The following SLC4A10 variants were observed in gnomAD, a reference collection of about 807,000 sequenced individuals.
SLC4A10 encodes sodium-driven chloride bicarbonate exchanger.
In SLC4A10, 42 loss-of-function variants were observed where a neutral mutation model predicts 137.7. The observed-to-expected ratio is 0.30, with a 90% CI of 0.24 to 0.39. SLC4A10 has a LOEUF of 0.39. Among genes scored for constraint, SLC4A10 ranks in the 10% least tolerant of loss-of-function variants. SLC4A10 has a pLI of 1.00. For missense variants in SLC4A10, 925 were observed against 1,355.0 expected (o/e 0.68, Z 4.98); for synonymous variants, 474 against 464.1 (o/e 1.02, Z -0.27).
At chr2:161,812,803 G>C (rs1414295790) in intron 3 of SLC4A10, among the ~76,000 whole-genome samples, 1 of 151,946 alleles carries the variant, frequency 6.6e-6, no homozygotes, top group East Asian at 1.9e-4. Flanking sequence ...CTTTGCTATG[G>C]TGAATAGCAC....
chr2:161,903,384 G>A (rs1014985437), intron 12 of SLC4A10, among the ~76,000 whole-genome samples: 7 of 152,156 alleles, frequency 4.6e-5, no homozygotes, highest in Admixed American at 2.6e-4. Context: ...AATGAAAACA[G>A]CTCTGAAACC....
chr2:161,867,617 T>A (rs1216353635), intron 6 of SLC4A10, among the ~76,000 whole-genome samples: 1 of 152,034 alleles, frequency 6.6e-6, no homozygotes, highest in Non-Finnish European at 1.5e-5. Flanking sequence ...AATTCTAGTA[T>A]GAAGTGTTTG....
intron 3 of SLC4A10, among the ~76,000 whole-genome samples, chr2:161,829,896 T>TA (rs1379318112): frequency 6.6e-6 from 1 of 152,002 alleles, no homozygotes; most frequent in Non-Finnish European, 1.5e-5. Flanking sequence ...TTTCCCCTTA[T>TA]AAAACCATCA....
Position 161,830,098 on chromosome 2 carries a change from A to G in SLC4A10, c.278-9691A>G, listed in dbSNP as rs185096793. 2.6e-3 allele frequency among the ~76,000 whole-genome samples: 392 copies of G among 152,018 alleles called. 2 individuals carry two copies. The highest frequency in any genetic ancestry group is 3.5e-3 in the Non-Finnish European group (237 of 67,980). On this transcript the variant is annotated intron_variant, in intron 3 of 26. Coordinates refer to ENST00000446997, the MANE Select transcript of SLC4A10 (RefSeq NM_001178015.2). ...ATAGAATATACATTTAAAAATTGAC[A>G]TAAGTGTGCTAAGTGCTCTGCACAT...
intron 2 of SLC4A10, among the ~76,000 whole-genome samples, chr2:161,781,109 A>T (rs1464261955): frequency 6.6e-6 from 1 of 152,058 alleles, no homozygotes; most frequent in Non-Finnish European, 1.5e-5. Context: ...TATTAAGAGT[A>T]AAAATAGTAT....
intron 17 of SLC4A10, 76 bp downstream of exon 17, chr2:161,947,803 G>T: frequency 6.7e-7 from 1 of 1,488,474 alleles, no homozygotes; most frequent in Non-Finnish European, 9.0e-7. Context: ...AATAAAAGGA[G>T]CCACTGAAAG....
At chr2:161,964,480 T>A (rs1257723631) in intron 22 of SLC4A10, among the ~76,000 whole-genome samples, 172 bp downstream of exon 22, 1 of 152,190 alleles carries the variant, frequency 6.6e-6, no homozygotes, top group Non-Finnish European at 1.5e-5. Context: ...TGCCTATGAA[T>A]TTCAGTGATT....
At chr2:161,631,906 A>C (rs917922781) in intron 1 of SLC4A10, among the ~76,000 whole-genome samples, 1 of 151,726 alleles carries the variant, frequency 6.6e-6, no homozygotes. Flanking sequence ...CTCTTGATAT[A>C]GTTTTGAATT....
chr2:161,633,857 G>A (rs931369074), intron 1 of SLC4A10, among the ~76,000 whole-genome samples: 9 of 151,584 alleles, frequency 5.9e-5, no homozygotes, highest in African/African-American at 1.9e-4. Flanking sequence ...TCATTTGGAA[G>A]GCATCAAAAG....
At chr2:161,654,493 T>G (rs2037240319) in intron 1 of SLC4A10, among the ~76,000 whole-genome samples, 1 of 152,166 alleles carries the variant, frequency 6.6e-6, no homozygotes, top group South Asian at 2.1e-4. Context: ...TCTATGTTGT[T>G]TTTCTAGGAG....
At chr2:161,658,781 G>C (rs1344857115) in intron 1 of SLC4A10, among the ~76,000 whole-genome samples, 1 of 151,954 alleles carries the variant, frequency 6.6e-6, no homozygotes, top group Non-Finnish European at 1.5e-5. Flanking sequence ...GGTAGAGATG[G>C]GGTTTCACCT....
intron 2 of SLC4A10, among the ~76,000 whole-genome samples, chr2:161,781,598 A>G (rs1192474142): frequency 6.6e-6 from 1 of 152,074 alleles, no homozygotes; most frequent in Non-Finnish European, 1.5e-5. Flanking sequence ...AAACTTGTTT[A>G]GTGCTGCTAG....
At chr2:161,846,734 A>C (rs1233365699) in intron 4 of SLC4A10, among the ~76,000 whole-genome samples, 1 of 152,248 alleles carries the variant, frequency 6.6e-6, no homozygotes, top group African/African-American at 2.4e-5. Flanking sequence ...AAAAGGTTGC[A>C]AACTATATGA....
At chr2:161,920,683 G>A (rs935331490) in intron 15 of SLC4A10, among the ~76,000 whole-genome samples, 4 of 152,176 alleles carry the variant, frequency 2.6e-5, no homozygotes, top group Non-Finnish European at 5.9e-5. Flanking sequence ...GGGGGAGGTG[G>A]TGCTCTTCAA....
intron 21 of SLC4A10, among the ~76,000 whole-genome samples, chr2:161,960,957 G>A (rs538486423): frequency 9.7e-4 from 148 of 152,064 alleles, no homozygotes; most frequent in Non-Finnish European, 1.8e-3. Context: ...GACAGTCCTA[G>A]CAAACTAATA....
chr2:161,971,271 G>C (rs1190285382), intron 23 of SLC4A10, among the ~76,000 whole-genome samples: 1 of 152,150 alleles, frequency 6.6e-6, no homozygotes, highest in Non-Finnish European at 1.5e-5. Context: ...TTCTTGTCCT[G>C]TACTGGACAT....
intron 3 of SLC4A10, among the ~76,000 whole-genome samples, chr2:161,833,570 ATGT>A (rs951042656): frequency 4.6e-5 from 7 of 152,214 alleles, no homozygotes; most frequent in African/African-American, 1.7e-4. Context: ...AACTTAATAA[ATGT>A]TGTATTGATA....
chr2:161,657,175 T>C (rs1383837436), intron 1 of SLC4A10, among the ~76,000 whole-genome samples: 1 of 152,040 alleles, frequency 6.6e-6, no homozygotes, highest in African/African-American at 2.4e-5. Context: ...TATATGAATA[T>C]TGAGTAGAAA....
At chr2:161,771,181 G>T in intron 2 of SLC4A10, 127 bp downstream of exon 2, 1 of 656,646 alleles carries the variant, frequency 1.5e-6, no homozygotes, top group South Asian at 1.9e-5. Context: ...TTACTGGGGA[G>T]GGGTACATCT....
Sources: allele counts gnomAD v4.1 joint callset (sites outside exome capture counted in the v4.1 genomes callset), GRCh38; gene constraint gnomAD v4.1.1; transcripts MANE v1.5; gene names NCBI Gene and HGNC (gene_info 2026-07-23, HGNC 2026-07-21).